Variants in FRAS1 observed in about 807,000 individuals in gnomAD.
FRAS1 encodes the protein Fraser extracellular matrix complex subunit 1, also known as extracellular matrix organizing protein FRAS1.
A neutral mutation model predicts 435.2 loss-of-function variants in FRAS1; 290 were observed. That is an observed-to-expected ratio of 0.67 (90% confidence interval 0.61 to 0.73). The LOEUF (loss-of-function observed/expected upper bound fraction) is 0.73, where lower values mean the gene tolerates loss of function less well. Among genes scored for constraint, FRAS1 ranks in the 30% least tolerant of loss-of-function variants. The pLI is 0.00. For synonymous variants in FRAS1, 1,800 were observed against 1,851.0 expected (o/e 0.97, Z 0.71); for missense variants, 4,860 against 5,001.5 (o/e 0.97, Z 0.85).
rs575516768 is a variant in FRAS1 at position 78,114,476 on chromosome 4, T to G, written c.108+48460T>G. Reference sequence around the variant, plus strand: ...CCTGCTCATGAGCATGGAATGTTCTTCCATTTGTTTGTATCCTCTTTTATT... The same window carrying G: ...CCTGCTCATGAGCATGGAATGTTCTGCCATTTGTTTGTATCCTCTTTTATT... On this transcript the variant is annotated intron_variant, in intron 2 of 73. Transcript: ENST00000512123. 3.1e-4 allele frequency among the ~76,000 whole-genome samples: 47 copies of G among 152,276 alleles called. No individual in the cohort carries two copies. In the East Asian group the frequency reaches 4.8e-3, roughly 16 times the overall value.
At chr4:78,418,239 G>C (rs559618493) in intron 32 of FRAS1, among the ~76,000 whole-genome samples, 1 of 152,286 alleles carries the variant, frequency 6.6e-6, no homozygotes, top group South Asian at 2.1e-4. Flanking sequence ...GGAAATACTG[G>C]CTATTGTATG....
At chr4:78,189,423 TG>T (rs1234791980) in intron 2 of FRAS1, among the ~76,000 whole-genome samples, 1 of 152,228 alleles carries the variant, frequency 6.6e-6, no homozygotes, top group Non-Finnish European at 1.5e-5. Context: ...TGAACTTCCC[TG>T]TGTCTTCTTG....
At chr4:78,240,398 T>G (rs942310037) in intron 3 of FRAS1, among the ~76,000 whole-genome samples, 21 of 151,856 alleles carry the variant, frequency 1.4e-4, no homozygotes, top group Admixed American at 1.4e-3. Flanking sequence ...AGGGGATAAA[T>G]CAGCAGAACT....
chr4:78,120,107 C>A (rs1030991413), intron 2 of FRAS1, among the ~76,000 whole-genome samples: 3 of 152,156 alleles, frequency 2.0e-5, no homozygotes, highest in Non-Finnish European at 4.4e-5. Context: ...GTTCTGAAAA[C>A]AGTGTTTATT....
chr4:78,475,630 G>A (rs750544064), intron 54 of FRAS1, 24 bp downstream of exon 54: 2 of 1,515,266 alleles, frequency 1.3e-6, no homozygotes, highest in Admixed American at 2.0e-5. Context: ...TGGGGTTGGG[G>A]GAGGCTCCAG....
Position 78,448,151 on chromosome 4 carries a change from C to T in FRAS1, c.6109C>T (p.Leu2037=), listed in dbSNP as rs748944559. The change falls in exon 44 of 74, where the codon CTG becomes TTG. Residue 2037 remains leucine (L), a synonymous_variant. Coordinates refer to ENST00000512123, the MANE Select transcript of FRAS1 (RefSeq NM_025074.7). ...TFTYQDILAG[L]VGYVPSVPGM... The stretch of plus-strand genomic sequence containing the variant: ...CACCTACCAGGATATCCTAGCTGGG[C>T]TGGTTGGGTATGTGCCTAGTGTCCC... 1.9e-6 allele frequency: 3 copies of T among 1,613,602 alleles called. No individual in the cohort carries two copies. Among genetic ancestry groups the T allele is most frequent in the African/African-American group, 2.7e-5 (2 of 74,866 alleles).
intron 14 of FRAS1, among the ~76,000 whole-genome samples, chr4:78,301,733 A>G (rs1342206917): frequency 6.6e-6 from 1 of 152,078 alleles, no homozygotes; most frequent in Non-Finnish European, 1.5e-5. Flanking sequence ...TTCTTTCTCT[A>G]GAAAGTTATG....
At chr4:78,231,112 G>A (rs999036552) in intron 2 of FRAS1, among the ~76,000 whole-genome samples, 4 of 151,944 alleles carry the variant, frequency 2.6e-5, no homozygotes, top group Admixed American at 1.3e-4. Flanking sequence ...CTGCCACCAT[G>A]CCCAGCAATT....
intron 14 of FRAS1, among the ~76,000 whole-genome samples, chr4:78,290,059 G>A (rs1309538231): frequency 6.6e-6 from 1 of 152,044 alleles, no homozygotes; most frequent in African/African-American, 2.4e-5. Context: ...CCACTCTGGT[G>A]GGACCACTGA....
chr4:78,249,048 G>GCATATATATATATGCATATATATGTATGC (rs1553934018), intron 4 of FRAS1, among the ~76,000 whole-genome samples: 1 of 27,530 alleles, frequency 3.6e-5, no homozygotes, highest in African/African-American at 8.4e-5. Flanking sequence ...AAGAACTACT[G>GCATATATATATATGCATATATATGTATGC]ATATATATAT....
At position 78,387,368 on chromosome 4, in the gene FRAS1, T is replaced by C; in HGVS notation, c.3649-7T>C. Reference sequence around the variant, plus strand: ...TTAACTGACTCTTCTTCCCTTCAACTCCACAGGCCCCCTATGTGCTGAGAA... The same window carrying C: ...TTAACTGACTCTTCTTCCCTTCAACCCCACAGGCCCCCTATGTGCTGAGAA... On this transcript the variant is annotated splice_region_variant and splice_polypyrimidine_tract_variant and intron_variant, in intron 28 of 73. Coordinates refer to ENST00000512123, the MANE Select transcript of FRAS1 (RefSeq NM_025074.7). 6.3e-7 allele frequency: 1 copy of C among 1,589,260 alleles called. No homozygotes were observed. Among genetic ancestry groups the C allele is most frequent in the South Asian group, 1.2e-5 (1 of 86,848 alleles).
intron 31 of FRAS1, among the ~76,000 whole-genome samples, chr4:78,410,491 GA>G (rs1733289894): frequency 6.6e-6 from 1 of 151,892 alleles, no homozygotes; most frequent in South Asian, 2.1e-4. Context: ...CCAGTTGAAT[GA>G]ACATTATTAC....
At chr4:78,291,871 C>T (rs900224212) in intron 14 of FRAS1, among the ~76,000 whole-genome samples, 1 of 152,158 alleles carries the variant, frequency 6.6e-6, no homozygotes, top group Non-Finnish European at 1.5e-5. Context: ...AACAACTGAA[C>T]ATTTTACAGG....
chr4:78,252,640 G>T (rs995972023), intron 5 of FRAS1, 89 bp downstream of exon 5: 4 of 1,239,816 alleles, frequency 3.2e-6, no homozygotes, highest in East Asian at 2.5e-5. Context: ...TTCAACATAG[G>T]TTCTTTCTAT....
rs1475816009 is a variant in FRAS1, at chr4:78,526,407, C to G, written c.10809-134C>G. On this transcript the variant is annotated intron_variant, in intron 69 of 73. Coordinates refer to ENST00000512123, the MANE Select transcript of FRAS1 (RefSeq NM_025074.7). ...GATGAGTTCCCGAAAATGGTGTTTG[C>G]AGACTTGTAAAGTTCTTAGATGCTG... 1.0e-5 allele frequency: 6 copies of G among 579,780 alleles called. No homozygotes were observed. In the East Asian group the frequency reaches 1.9e-4, roughly 18 times the overall value. 35.9% of individuals were successfully genotyped at this position (579,780 alleles called of 1,614,324 possible). A position where few individuals can be genotyped will look rare whatever the true frequency, so the allele number is the denominator to read the frequency against.
In FRAS1 at chr4:78,470,080, A is replaced by G; in HGVS notation, c.7360A>G (p.Met2454Val). The change falls in exon 51 of 74, where the codon ATG becomes GTG. Residue 2454 changes from methionine (M) to valine (V), a missense_variant. Physicochemically the swap from Met to Val is conservative, Grantham distance 21. Transcript: ENST00000512123. The part of the protein sequence containing the change: ...TNLGLQWLEY[M>V]DGKATNLITK... ...CCTGGGACTCCAGTGGCTGGAATAC[A>G]TGGATGGCAAGGTAAGGCCTGTCCC... 6.2e-7 allele frequency: 1 copy of G among 1,611,472 alleles called. No individual in the cohort carries two copies. The highest frequency in any genetic ancestry group is 1.3e-5 in the African/African-American group (1 of 74,996).
At position 78,531,822 on chromosome 4, in the gene FRAS1, T is replaced by C. The variant is rs147947203; in HGVS notation, c.10926-2627T>C. Among the ~76,000 whole-genome samples the C allele has an allele frequency of 6.6e-5, 10 of 152,318 alleles. No individual in the cohort carries two copies. The East Asian group carries it at 1.5e-3, about 23-fold the overall frequency. On this transcript the variant is annotated intron_variant, in intron 70 of 73. Coordinates refer to ENST00000512123, the MANE Select transcript of FRAS1 (RefSeq NM_025074.7). ...ACTATCTGGCTGTTCACAGAAAAGC[T>C]TTGTCAATCTCTCTGTTCTAGGTGC...
At chr4:78,364,154 G>A in intron 22 of FRAS1, 100 bp downstream of exon 22, 1 of 1,304,516 alleles carries the variant, frequency 7.7e-7, no homozygotes, top group Non-Finnish European at 1.0e-6. Context: ...TTCTCACCTG[G>A]TAGCCTTTAT....
chr4:78,427,625 AGAG>A (rs1734047498), intron 35 of FRAS1, among the ~76,000 whole-genome samples: 1 of 152,224 alleles, frequency 6.6e-6, no homozygotes, highest in Non-Finnish European at 1.5e-5. Flanking sequence ...GAAGATCCAG[AGAG>A]GAGATCAAAT....
Sources: gnomAD v4.1 joint callset for allele counts (sites outside exome capture counted in the v4.1 genomes callset) on GRCh38, gnomAD v4.1.1 for gene constraint, MANE v1.5 for transcripts, NCBI Gene and HGNC (gene_info 2026-07-23, HGNC 2026-07-21) for gene names.